IPO7: variants seen among roughly 807,000 people sequenced by gnomAD.
IPO7 encodes importin-7.
Under a neutral mutation model 136.4 loss-of-function variants are expected in IPO7, and 13 were observed. That is an observed-to-expected ratio of 0.10 (90% CI 0.06 to 0.15). IPO7 has a LOEUF of 0.15. IPO7 is among the 10% of genes least tolerant of loss of function. The probability of loss-of-function intolerance (pLI) is 1.00; values close to 1 mark genes in which losing one functional copy is unlikely to be tolerated. For synonymous variants in IPO7, 403 were observed against 404.4 expected (o/e 1.00, Z 0.04); for missense variants, 857 against 1,240.6 (o/e 0.69, Z 4.65).
intron 16 of IPO7, 25 bp from the exon 17 acceptor site, chr11:9,433,543 CAT>C: frequency 6.5e-7 from 1 of 1,549,712 alleles, no homozygotes; most frequent in Non-Finnish European, 8.9e-7. Flanking sequence ...GCTGTAACTG[CAT>C]ATGATTTTTT....
rs981382418 is a variant in IPO7, at chr11:9,417,672, T to A, written c.726+524T>A. On this transcript the variant is annotated intron_variant, in intron 6 of 24. Transcript: ENST00000379719. ...GTGTTATTTGTATAATCAAACTTTTTAAAATTATTATAATTTTTCTTTATA... is the reference window on the plus strand; with the variant it reads ...GTGTTATTTGTATAATCAAACTTTTAAAAATTATTATAATTTTTCTTTATA... Among the ~76,000 whole-genome samples the A allele has an allele frequency of 3.3e-5, 5 of 151,920 alleles. No homozygotes were observed. The South Asian group carries it at 6.2e-4, about 19-fold the overall frequency.
Position 9,420,666 on chromosome 11 carries a change from T to C in IPO7, c.874T>C (p.Phe292Leu), listed in dbSNP as rs764054965. 6.2e-7 allele frequency: 1 copy of C among 1,613,532 alleles called. No individual in the cohort carries two copies. Among genetic ancestry groups the C allele is most frequent in the Admixed American group, 1.7e-5 (1 of 60,022 alleles). ...GGAGTATAATGAATTTGCTGAAGTA[T>C]TTCTGAAGGCATTTGCTGTTGGTGT... is the stretch of plus-strand genomic sequence containing the variant. ...SKEYNEFAEV[F>L]LKAFAVGVQQ... The change falls in exon 8 of 25, where the codon TTT (phenylalanine) becomes CTT (leucine). Residue 292 changes from phenylalanine to leucine, a missense_variant. Phe to Leu is a conservative substitution (Grantham distance 22, BLOSUM62 0). Coordinates refer to ENST00000379719, the MANE Select transcript of IPO7 (RefSeq NM_006391.3).
Position 9,417,168 on chromosome 11 carries a change from C to A in IPO7, c.726+20C>A. The A allele has an allele frequency of 2.1e-6, 2 of 971,834 alleles. No individual in the cohort carries two copies. Among genetic ancestry groups the A allele is most frequent in the South Asian group, 1.5e-5 (1 of 68,762 alleles). The allele number at this position is 971,834 out of a possible 1,614,324, so 60.2% of individuals were successfully genotyped here. On this transcript the variant is annotated intron_variant, in intron 6 of 24. Coordinates refer to ENST00000379719, the MANE Select transcript of IPO7 (RefSeq NM_006391.3). Reference sequence around the variant, plus strand: ...CCTAATGTAAGTTTCTGTATGTTCTCTTATATTACTAAATGTAAATATTTA... The same window carrying A: ...CCTAATGTAAGTTTCTGTATGTTCTATTATATTACTAAATGTAAATATTTA...
At position 9,435,011 on chromosome 11, in the gene IPO7, A is replaced by T. The variant is rs1427562679; in HGVS notation, c.2152A>T (p.Ile718Leu). 6.2e-7 allele frequency: 1 copy of T among 1,600,446 alleles called. No individual in the cohort carries two copies. Residue 718 changes from isoleucine to leucine, a missense_variant, in exon 19 of 25, where the codon ATA (isoleucine) becomes TTA (leucine). This residue lies in a region of IPO7 where 190 missense variants were observed against 249.0 expected (regional missense o/e 0.76). Coordinates refer to ENST00000379719, the MANE Select transcript of IPO7 (RefSeq NM_006391.3). The part of the protein sequence containing the change: ...LLSDTKYLEM[I>L]YSMCKKVLTG... ...GTCTGACACCAAGTATCTTGAAATG[A>T]TATACAGTATGTGCAAAAAGGTAGG...
chr11:9,412,654 C>G (rs1854982596), intron 4 of IPO7, among the ~76,000 whole-genome samples: 1 of 151,968 alleles, frequency 6.6e-6, no homozygotes, highest in South Asian at 2.1e-4. Flanking sequence ...CGTCTCTCCC[C>G]TACTCTCTAC....
At chr11:9,418,359 G>A (rs1304402647) in intron 6 of IPO7, among the ~76,000 whole-genome samples, 2 of 152,040 alleles carry the variant, frequency 1.3e-5, no homozygotes, top group Admixed American at 6.6e-5. Context: ...GTGAGCCACC[G>A]TGCCTAGCCT....
chr11:9,436,855 TATATATATATA>T, intron 20 of IPO7, among the ~76,000 whole-genome samples: 3 of 16,702 alleles, frequency 1.8e-4, no homozygotes, highest in Non-Finnish European at 4.2e-4. Context: ...TATATATATA[TATATATATATA>T]TATTTTTTTT....
intron 12 of IPO7, among the ~76,000 whole-genome samples, chr11:9,426,684 T>G (rs1002370932): frequency 6.6e-6 from 1 of 152,238 alleles, no homozygotes; most frequent in Admixed American, 6.5e-5. Flanking sequence ...ATGTGCTTAC[T>G]ATCCGTTTGT....
At chr11:9,400,471 G>A (rs887111882) in intron 1 of IPO7, among the ~76,000 whole-genome samples, 9 of 151,942 alleles carry the variant, frequency 5.9e-5, no homozygotes, top group African/African-American at 2.2e-4. Flanking sequence ...GCCCAGGCTG[G>A]AGTGCGGTGG....
intron 1 of IPO7, among the ~76,000 whole-genome samples, chr11:9,391,190 G>A (rs1488192953): frequency 6.6e-6 from 1 of 152,074 alleles, no homozygotes; most frequent in Admixed American, 6.6e-5. Context: ...ACAAGGTCGG[G>A]AGTTCGAGAC....
chr11:9,397,182 T>C (rs1414961599), intron 1 of IPO7, among the ~76,000 whole-genome samples: 1 of 150,456 alleles, frequency 6.6e-6, no homozygotes, highest in African/African-American at 2.4e-5. Context: ...TGGAGTGGTG[T>C]GATCATAGCT....
chr11:9,421,034 C>T (rs1285447093), intron 8 of IPO7, among the ~76,000 whole-genome samples: 1 of 152,072 alleles, frequency 6.6e-6, no homozygotes, highest in Non-Finnish European at 1.5e-5. Flanking sequence ...TCTCGGCTCA[C>T]TGCAACTTCT....
In IPO7 at chr11:9,409,980, C is replaced by G; in HGVS notation, c.373C>G (p.Arg125Gly). ...HHIIKHDYPS[R>G]WTAIVDKIGF... ...CATCATCAAACATGATTATCCAAGC[C>G]GCTGGACTGCCATTGTGGACAAAAT... The change falls in exon 4 of 25, where the codon CGC (arginine) becomes GGC (glycine). Residue 125 changes from arginine to glycine, a missense_variant. By Grantham distance (125) the Arg-to-Gly change is moderately radical. Around this residue, in one of 11 missense-constraint regions of IPO7, gnomAD observed 287 missense variants for 307.5 expected, o/e 0.93. Transcript: ENST00000379719. 6.2e-7 allele frequency: 1 copy of G among 1,606,344 alleles called. No homozygotes were observed. The highest frequency in any genetic ancestry group is 1.7e-5 in the Admixed American group (1 of 58,838).
At chr11:9,402,276 T>C (rs1227856490) in intron 1 of IPO7, among the ~76,000 whole-genome samples, 1 of 149,136 alleles carries the variant, frequency 6.7e-6, no homozygotes, top group Non-Finnish European at 1.5e-5. Context: ...GGCACGTGCC[T>C]GTAGTCTCAG....
chr11:9,384,859 C>A lies in IPO7; in HGVS notation c.84+12C>A. On this transcript the variant is annotated intron_variant, in intron 1 of 24. Transcript: ENST00000379719. ...GCCAGCTCAATGAAGTAAGGACGCC[C>A]GGCTAGCGGTGGCGGCGGGCAGGCG... 6.3e-7 allele frequency: 1 copy of A among 1,584,860 alleles called. No homozygotes were observed. Among genetic ancestry groups the A allele is most frequent in the East Asian group, 2.3e-5 (1 of 43,024 alleles).
intron 1 of IPO7, among the ~76,000 whole-genome samples, chr11:9,400,356 G>T (rs754878254): frequency 7.2e-5 from 11 of 151,908 alleles, no homozygotes; most frequent in Non-Finnish European, 1.3e-4. Flanking sequence ...ATAGAGCCCG[G>T]TTGTCATATT....
At chr11:9,390,134 G>A (rs1451431460) in intron 1 of IPO7, among the ~76,000 whole-genome samples, 4 of 152,124 alleles carry the variant, frequency 2.6e-5, no homozygotes, top group Non-Finnish European at 4.4e-5. Context: ...CAGGTGATCC[G>A]TCCGTCTTGG....
intron 6 of IPO7, among the ~76,000 whole-genome samples, chr11:9,419,545 TAA>T (rs1178586532): frequency 1.3e-3 from 120 of 91,702 alleles, no homozygotes; most frequent in African/African-American, 4.5e-3. Flanking sequence ...AGACTCTGTC[TAA>T]AAAAAAAAAA....
chr11:9,437,183 G>A (rs935384046), intron 20 of IPO7, among the ~76,000 whole-genome samples: 23 of 151,558 alleles, frequency 1.5e-4, no homozygotes, highest in Non-Finnish European at 3.1e-4. Flanking sequence ...CACGTCACCC[G>A]GCCCACGGTC....
Sources: gnomAD v4.1 joint callset for allele counts (sites outside exome capture counted in the v4.1 genomes callset) on GRCh38, gnomAD v4.1.1 for gene constraint, gnomAD v4.1.1 regional missense constraint, MANE v1.5 for transcripts, NCBI Gene and HGNC (gene_info 2026-07-23, HGNC 2026-07-21) for gene names.